Variants in INPP5D observed in about 807,000 individuals in gnomAD.
INPP5D encodes phosphatidylinositol 3,4,5-trisphosphate 5-phosphatase 1.
INPP5D carries 33 observed loss-of-function variants against 122.9 expected under a neutral mutation model. The ratio of observed to expected loss-of-function variants is 0.27; its 90% CI spans 0.20 to 0.36. The LOEUF is 0.36. Among genes scored for constraint, INPP5D ranks in the 10% least tolerant of loss-of-function variants. The pLI is 1.00. For missense variants in INPP5D, 1,053 were observed against 1,412.7 expected, an observed-to-expected ratio of 0.75 and a Z score of 4.08; for synonymous variants, 584 against 576.2, an observed-to-expected ratio of 1.01 and a Z score of -0.19.
chr2:233,065,307 G>GTTTTTTTTTTTT (rs376982879), intron 1 of INPP5D, among the ~76,000 whole-genome samples: 1 of 116,976 alleles, frequency 8.5e-6, no homozygotes, highest in African/African-American at 3.3e-5. Context: ...CACTTCTTGG[G>GTTTTTTTTTTTT]TTTTTTTTTT....
chr2:233,135,368 CA>C (rs1012840964), intron 5 of INPP5D, among the ~76,000 whole-genome samples: 1 of 151,638 alleles, frequency 6.6e-6, no homozygotes, highest in Non-Finnish European at 1.5e-5. Context: ...GCTAATTAAA[CA>C]ATTTTTTTTT....
At chr2:233,060,688 T>C in intron 1 of INPP5D, 76 bp downstream of exon 1, 1 of 1,571,568 alleles carries the variant, frequency 6.4e-7, no homozygotes, top group Non-Finnish European at 8.7e-7. Context: ...TGAGATGGGT[T>C]GTTCTTATGT....
intron 26 of INPP5D, 80 bp downstream of exon 26, chr2:233,204,797 T>C: frequency 7.0e-7 from 1 of 1,425,090 alleles, no homozygotes; most frequent in Non-Finnish European, 9.2e-7. Flanking sequence ...CCTATGCATA[T>C]GTGTGTGCAT....
At chr2:233,149,868 C>CA (rs1274975128) in intron 9 of INPP5D, among the ~76,000 whole-genome samples, 1 of 152,120 alleles carries the variant, frequency 6.6e-6, no homozygotes, top group African/African-American at 2.4e-5. Flanking sequence ...GCCCAACCTC[C>CA]AGGGAGTGCT....
intron 1 of INPP5D, among the ~76,000 whole-genome samples, chr2:233,074,992 G>A (rs900418673): frequency 6.6e-6 from 1 of 152,040 alleles, no homozygotes; most frequent in Non-Finnish European, 1.5e-5. Context: ...TACTTCCACG[G>A]GCTTGTCCTC....
intron 2 of INPP5D, among the ~76,000 whole-genome samples, chr2:233,117,866 C>T (rs1692849137): frequency 6.6e-6 from 1 of 152,220 alleles, no homozygotes; most frequent in African/African-American, 2.4e-5. Flanking sequence ...TCTGCATCCC[C>T]AGTCCCAGAT....
At chr2:233,180,208 A>G (rs1365669989) in intron 18 of INPP5D, among the ~76,000 whole-genome samples, 2 of 152,090 alleles carry the variant, frequency 1.3e-5, no homozygotes, top group African/African-American at 4.8e-5. Flanking sequence ...GCCCAGACTC[A>G]TGGTGGGAGG....
chr2:233,203,343 C>T (rs1695390332), intron 25 of INPP5D, among the ~76,000 whole-genome samples: 1 of 152,104 alleles, frequency 6.6e-6, no homozygotes, highest in African/African-American at 2.4e-5. Context: ...GGAGAGCAGG[C>T]TCATCTGATG....
intron 8 of INPP5D, 61 bp downstream of exon 8, chr2:233,146,499 G>A (rs1693765071): frequency 2.8e-6 from 2 of 702,078 alleles, no homozygotes; most frequent in Non-Finnish European, 5.2e-6. Flanking sequence ...AGAGAGACAT[G>A]TTCTTGTTCC....
Position 233,177,038 on chromosome 2 carries a change from G to A in INPP5D, c.1990-227G>A, listed in dbSNP as rs556789486. Among the ~76,000 whole-genome samples, 13 of 152,156 alleles carry A rather than the reference G, an allele frequency of 8.5e-5. No individual in the cohort carries two copies. The highest frequency in any genetic ancestry group is 2.9e-4 in the African/African-American group (12 of 41,494). ...TGAAGTAGTCAGGAGGATATGTGAG[G>A]GAATACAGCAAGGTGAGTTATCTTA... is the stretch of plus-strand genomic sequence containing the variant. On this transcript the variant is annotated intron_variant, in intron 17 of 26. Transcript: ENST00000445964. This position sits in a 1 kb window ranked among gnomAD's most constrained non-coding sequence, Gnocchi z 4.2.
At chr2:233,143,310 A>T (rs1693667957) in intron 6 of INPP5D, among the ~76,000 whole-genome samples, 1 of 152,058 alleles carries the variant, frequency 6.6e-6, no homozygotes, top group Non-Finnish European at 1.5e-5. Context: ...ATCTTGTTAT[A>T]TCTCCCCTCC....
At chr2:233,155,008 GC>G in intron 9 of INPP5D, among the ~76,000 whole-genome samples, 1 of 152,298 alleles carries the variant, frequency 6.6e-6, no homozygotes, top group Non-Finnish European at 1.5e-5. Context: ...ACAGGCGTGA[GC>G]CACTGCACCC....
chr2:233,116,902 C>T (rs572165501), intron 2 of INPP5D, among the ~76,000 whole-genome samples: 1 of 152,310 alleles, frequency 6.6e-6, no homozygotes, highest in African/African-American at 2.4e-5. Flanking sequence ...GTCAAGATGT[C>T]ATAATTTAAC....
At chr2:233,198,033 G>T in intron 24 of INPP5D, 62 bp from the exon 25 acceptor site, 12 of 1,472,446 alleles carry the variant, frequency 8.1e-6, no homozygotes, top group Non-Finnish European at 1.1e-5. Context: ...CTTTCCTTGG[G>T]CTGGTGCTGA....
intron 10 of INPP5D, among the ~76,000 whole-genome samples, chr2:233,159,326 C>A (rs913263745): frequency 3.3e-5 from 5 of 152,202 alleles, no homozygotes; most frequent in African/African-American, 1.2e-4. Context: ...TGTTCTCTGC[C>A]ATGCAGCTCG....
chr2:233,117,613 A>G (rs921413359), intron 2 of INPP5D, among the ~76,000 whole-genome samples: 5 of 151,934 alleles, frequency 3.3e-5, no homozygotes, highest in African/African-American at 9.7e-5. Context: ...GGTAACTACT[A>G]TGAGTTCGGG....
At chr2:233,094,609 A>G (rs971907413) in intron 2 of INPP5D, among the ~76,000 whole-genome samples, 2 of 151,086 alleles carry the variant, frequency 1.3e-5, no homozygotes, top group African/African-American at 4.9e-5. Flanking sequence ...TTCACTGGGC[A>G]TCATTGCTCT....
At chr2:233,192,138 A>G (rs1307453066) in intron 22 of INPP5D, among the ~76,000 whole-genome samples, 1 of 152,184 alleles carries the variant, frequency 6.6e-6, no homozygotes, top group Non-Finnish European at 1.5e-5. Context: ...GAGGAGTGTG[A>G]TGGCCCTAAT....
intron 10 of INPP5D, among the ~76,000 whole-genome samples, chr2:233,159,741 A>C (rs929146063): frequency 4.6e-5 from 7 of 150,950 alleles, no homozygotes; most frequent in Non-Finnish European, 7.4e-5. Context: ...GGTGTCCATC[A>C]CATCAGGTGC....
Sources: allele counts gnomAD v4.1 joint callset (sites outside exome capture counted in the v4.1 genomes callset), GRCh38; gene constraint gnomAD v4.1.1; non-coding constraint Gnocchi (gnomAD v3.1); transcripts MANE v1.5; gene names NCBI Gene and HGNC (gene_info 2026-07-23, HGNC 2026-07-21).